The following RCC1 variants were observed in gnomAD, a reference collection of about 807,000 sequenced individuals.
The protein encoded by RCC1 is regulator of chromosome condensation 1.
In RCC1, 11 loss-of-function variants were observed where a neutral mutation model predicts 44.4. The observed-to-expected ratio is 0.25, with a 90% CI of 0.16 to 0.41. RCC1 has a LOEUF of 0.41. Among genes scored for constraint, RCC1 ranks in the 10% least tolerant of loss-of-function variants. The pLI is 1.00. For missense variants in RCC1, 386 were observed against 547.1 expected (o/e 0.71, Z 2.94); for synonymous variants, 213 against 216.5 (o/e 0.98, Z 0.14).
In RCC1 at chr1:28,523,310, C is replaced by T. The variant is rs556953617; in HGVS notation, c.-10+6443C>T. Among the ~76,000 whole-genome samples, 7 of 152,186 alleles carry T rather than the reference C, an allele frequency of 4.6e-5. No homozygotes were observed. In the South Asian group the frequency reaches 8.3e-4, roughly 18 times the overall value. ...CTGGGATTACAGGCGTGAGCCACCGCGCCCGGCCAGAAGAAATTTCTAATA... is the reference window on the plus strand; with the variant it reads ...CTGGGATTACAGGCGTGAGCCACCGTGCCCGGCCAGAAGAAATTTCTAATA... On this transcript the variant is annotated intron_variant, in intron 4 of 12. Coordinates refer to ENST00000683442, the MANE Select transcript of RCC1 (RefSeq NM_001381865.2).
chr1:28,506,788 G>C (rs1221332496), intron 1 of RCC1: 1 of 156,276 alleles, frequency 6.4e-6, no homozygotes, highest in Non-Finnish European at 1.4e-5. Flanking sequence ...TGCAACCTCC[G>C]CCTGCTGGGC....
At chr1:28,530,343 G>A (rs1222677262) in intron 5 of RCC1, among the ~76,000 whole-genome samples, 1 of 152,192 alleles carries the variant, frequency 6.6e-6, no homozygotes, top group Non-Finnish European at 1.5e-5. Context: ...CCAGAGCAGC[G>A]TCACCCTCTC....
chr1:28,538,044 C>A lies in RCC1; in HGVS notation c.*37C>A. 2 of 1,586,838 alleles carry A rather than the reference C, an allele frequency of 1.3e-6. No individual in the cohort carries two copies. The highest frequency in any genetic ancestry group is 1.7e-6 in the Non-Finnish European group (2 of 1,164,544). On this transcript the variant is annotated 3_prime_UTR_variant, in exon 13 of 13. Coordinates refer to ENST00000683442, the MANE Select transcript of RCC1 (RefSeq NM_001381865.2). ...AGGGCCTGGCTTCTGTCCTGCACAA[C>A]CTCCCTCACAGAACAGGGAAGCAGT...
chr1:28,511,807 C>T (rs1344452168), intron 3 of RCC1, among the ~76,000 whole-genome samples: 1 of 151,498 alleles, frequency 6.6e-6, no homozygotes, highest in Non-Finnish European at 1.5e-5. Context: ...ATTACAGGCG[C>T]ACGCCACCAT....
At chr1:28,516,911 G>A (rs1194318789) in intron 4 of RCC1, 44 bp downstream of exon 4, 7 of 452,100 alleles carry the variant, frequency 1.5e-5, no homozygotes, top group Non-Finnish European at 3.1e-5. Flanking sequence ...GGCAGGCTCT[G>A]CATATAAGAA....
rs146425708 is a variant in RCC1 at position 28,525,040 on chromosome 1, C to A, written c.-9-4818C>A. 9.8e-3 allele frequency among the ~76,000 whole-genome samples: 1,484 copies of A among 152,110 alleles called. 27 individuals are homozygous for A. The highest frequency in any genetic ancestry group is 0.034 in the African/African-American group (1,416 of 41,504). ...TCACGTCTCCAAAAACTGAGCTCCC[C>A]GAGTGAGCAGTTCCTGTCCCTTTTA... On this transcript the variant is annotated intron_variant, in intron 4 of 12. Coordinates refer to ENST00000683442, the MANE Select transcript of RCC1 (RefSeq NM_001381865.2).
chr1:28,515,573 C>T (rs959492848), intron 3 of RCC1, among the ~76,000 whole-genome samples: 17 of 147,128 alleles, frequency 1.2e-4, no homozygotes, highest in Admixed American at 7.5e-4. Context: ...AAAAATGAGC[C>T]GGGCATGGTG....
intron 1 of RCC1, 190 bp from the exon 2 acceptor site, chr1:28,507,938 T>TG (rs1208693544): frequency 1.3e-5 from 4 of 297,438 alleles, no homozygotes; most frequent in Non-Finnish European, 2.7e-5. Flanking sequence ...TTAAGAAAAA[T>TG]TGGCTAAAAA....
At chr1:28,506,243 C>T in intron 1 of RCC1, 159 bp downstream of exon 1, 1 of 441,420 alleles carries the variant, frequency 2.3e-6, no homozygotes, top group Non-Finnish European at 4.5e-6. Flanking sequence ...GTCACTCAGG[C>T]TGGACTGCAG....
At chr1:28,532,549 C>G (rs376731323) in intron 7 of RCC1, 199 bp downstream of exon 7, 102 of 587,692 alleles carry the variant, frequency 1.7e-4, no homozygotes, top group Middle Eastern at 1.2e-3. Flanking sequence ...TCCTTGAATC[C>G]GATGTCATCA....
chr1:28,506,531 C>A, intron 1 of RCC1: 1 of 245,550 alleles, frequency 4.1e-6, no homozygotes, highest in Non-Finnish European at 8.2e-6. Flanking sequence ...TAGGCGGCAT[C>A]GGTCCCAACT....
intron 5 of RCC1, among the ~76,000 whole-genome samples, chr1:28,531,207 A>C (rs1557877741): frequency 6.6e-6 from 1 of 151,702 alleles, no homozygotes; most frequent in Non-Finnish European, 1.5e-5. Context: ...CAGACTGGCG[A>C]CAAAGGGAGA....
intron 7 of RCC1, among the ~76,000 whole-genome samples, chr1:28,533,377 A>G (rs1664302211): frequency 6.6e-6 from 1 of 151,662 alleles, no homozygotes; most frequent in Non-Finnish European, 1.5e-5. Context: ...AGGCTGAGGC[A>G]GGAGAATGGC....
chr1:28,514,374 CA>C (rs1170488977), intron 3 of RCC1, among the ~76,000 whole-genome samples: 2 of 149,850 alleles, frequency 1.3e-5, no homozygotes, highest in Admixed American at 6.7e-5. Flanking sequence ...GGCATGAACC[CA>C]GGAGGTGGAG....
chr1:28,526,056 G>A (rs1439570951), intron 4 of RCC1, among the ~76,000 whole-genome samples: 4 of 152,116 alleles, frequency 2.6e-5, no homozygotes, highest in Non-Finnish European at 4.4e-5. Context: ...AGGCTGAGGC[G>A]GGTAGATCGC....
intron 4 of RCC1, among the ~76,000 whole-genome samples, chr1:28,529,037 ATTT>A (rs779736390): frequency 2.0e-4 from 20 of 101,858 alleles, no homozygotes; most frequent in East Asian, 2.7e-4. Context: ...TAATTTTTGT[ATTT>A]TTTTTTTTTT....
At chr1:28,525,278 C>T (rs1339560134) in intron 4 of RCC1, among the ~76,000 whole-genome samples, 2 of 152,138 alleles carry the variant, frequency 1.3e-5, no homozygotes, top group African/African-American at 2.4e-5. Context: ...CAGGTCGCGG[C>T]GCCAGGCTGT....
intron 3 of RCC1, among the ~76,000 whole-genome samples, chr1:28,514,163 A>C (rs1288704424): frequency 1.3e-5 from 2 of 151,962 alleles, no homozygotes; most frequent in African/African-American, 4.8e-5. Flanking sequence ...TCTCAAAAAA[A>C]AAAAAGGCGG....
intron 4 of RCC1, among the ~76,000 whole-genome samples, chr1:28,517,342 A>G (rs938709640): frequency 6.6e-6 from 1 of 152,052 alleles, no homozygotes; most frequent in Admixed American, 6.6e-5. Context: ...CCTGTTTTCC[A>G]TCTCTAACCC....
Sources: allele counts gnomAD v4.1 joint callset (sites outside exome capture counted in the v4.1 genomes callset), GRCh38; gene constraint gnomAD v4.1.1; transcripts MANE v1.5; gene names NCBI Gene and HGNC (gene_info 2026-07-23, HGNC 2026-07-21).